The following IKZF2 variants were observed in gnomAD, a reference collection of about 807,000 sequenced individuals.
IKZF2 encodes the protein IKAROS family zinc finger 2.
A neutral mutation model predicts 49.2 loss-of-function variants in IKZF2; 15 were observed. The observed-to-expected ratio is 0.30, with a 90% CI of 0.20 to 0.47. The LOEUF (loss-of-function observed/expected upper bound fraction) is 0.47. IKZF2 is among the 20% of genes least tolerant of loss of function. IKZF2 has a pLI of 1.00. For missense variants in IKZF2, 567 were observed against 664.6 expected (o/e 0.85, Z 1.61); for synonymous variants, 227 against 221.4 (o/e 1.03, Z -0.23).
intron 4 of IKZF2, among the ~76,000 whole-genome samples, chr2:213,146,765 G>GA (rs1260544628): frequency 7.8e-6 from 1 of 128,030 alleles, no homozygotes; most frequent in African/African-American, 2.8e-5. Flanking sequence ...TCTTCGGGGG[G>GA]GGGGAAGGAA....
At chr2:213,045,338 A>G (rs936507026) in intron 6 of IKZF2, among the ~76,000 whole-genome samples, 2 of 152,228 alleles carry the variant, frequency 1.3e-5, no homozygotes, top group African/African-American at 4.8e-5. Flanking sequence ...TAACATAGCC[A>G]CTGACACTAG....
chr2:213,009,965 AGAT>A (rs1695770079), intron 8 of IKZF2, among the ~76,000 whole-genome samples: 1 of 152,154 alleles, frequency 6.6e-6, no homozygotes, highest in South Asian at 2.1e-4. Context: ...AAGACAAGTT[AGAT>A]AATATAAGGC....
chr2:213,098,663 G>T (rs1258091605), intron 4 of IKZF2, among the ~76,000 whole-genome samples: 1 of 152,108 alleles, frequency 6.6e-6, no homozygotes, highest in Non-Finnish European at 1.5e-5. Flanking sequence ...TGAACAGACA[G>T]CAGGAAAAAA....
intron 4 of IKZF2, among the ~76,000 whole-genome samples, chr2:213,089,052 T>G (rs949434716): frequency 3.3e-5 from 5 of 152,210 alleles, no homozygotes; most frequent in Admixed American, 6.5e-5. Context: ...TAAGACATTT[T>G]GATTAAGACT....
At chr2:213,045,430 A>G (rs1005690572) in intron 6 of IKZF2, among the ~76,000 whole-genome samples, 7 of 152,338 alleles carry the variant, frequency 4.6e-5, no homozygotes, top group African/African-American at 1.2e-4. Context: ...CCTTCACACT[A>G]GAGGAGCAAC....
chr2:213,022,009 C>G lies in IKZF2; in HGVS notation c.696G>C (p.Gln232His), dbSNP rs779422250. 1.2e-6 allele frequency: 2 copies of G among 1,612,668 alleles called. No homozygotes were observed. Among genetic ancestry groups the G allele is most frequent in the Admixed American group, 3.3e-5 (2 of 59,782 alleles). Reference sequence around the variant, plus strand: ...TCTACCCACCATGGTGACTCATGACCTGCCCAGCAGCCTCCATGCTGACAT... The same window carrying G: ...TCTACCCACCATGGTGACTCATGACGTGCCCAGCAGCCTCCATGCTGACAT... ...LQNVSMEAAG[Q>H]VMSHHVPPME... is the part of the protein sequence containing the mutation. The change falls in exon 7 of 9, where the codon CAG becomes CAC. Residue 232 changes from glutamine (Q) to histidine (H), a missense_variant. Gln to His is a conservative substitution (Grantham distance 24, BLOSUM62 0). Transcript: ENST00000434687.
At chr2:213,034,121 C>T (rs1698761600) in intron 6 of IKZF2, among the ~76,000 whole-genome samples, 1 of 152,220 alleles carries the variant, frequency 6.6e-6, no homozygotes, top group Non-Finnish European at 1.5e-5. Context: ...TCTGCAGTTT[C>T]CTCACATCTC....
intron 4 of IKZF2, among the ~76,000 whole-genome samples, chr2:213,113,247 G>A (rs1328843881): frequency 1.3e-5 from 2 of 152,128 alleles, no homozygotes; most frequent in African/African-American, 2.4e-5. Flanking sequence ...TATCAAAGAA[G>A]TTGATAACAC....
chr2:213,083,115 A>G (rs972544719), intron 4 of IKZF2, among the ~76,000 whole-genome samples: 4 of 152,204 alleles, frequency 2.6e-5, no homozygotes, highest in Admixed American at 2.0e-4. Flanking sequence ...ATAGCCAGAA[A>G]GTAAGACATG....
chr2:213,118,069 A>C (rs2059934267), intron 4 of IKZF2, among the ~76,000 whole-genome samples: 1 of 152,354 alleles, frequency 6.6e-6, no homozygotes, highest in East Asian at 1.9e-4. Context: ...ACGGCTTATA[A>C]ATGGACTTAA....
rs192795102 is a variant in IKZF2, at chr2:213,048,223, C to G, written c.574+1490G>C. On this transcript the variant is annotated intron_variant, in intron 6 of 8. Transcript: ENST00000434687. ...TCTGCAAAAATCATAACTTGATATACTAAATTGCAAAATGAGCACGATGGC... is the reference window on the plus strand; with the variant it reads ...TCTGCAAAAATCATAACTTGATATAGTAAATTGCAAAATGAGCACGATGGC... Among the ~76,000 whole-genome samples, 3 of 152,082 alleles carry G rather than the reference C, an allele frequency of 2.0e-5. No homozygotes were observed. The East Asian group carries it at 5.8e-4, about 29-fold the overall frequency.
intron 5 of IKZF2, among the ~76,000 whole-genome samples, chr2:213,055,953 T>C (rs1482578): frequency 0.51 from 76,885 of 151,932 alleles, 22,540 homozygotes; most frequent in East Asian, 0.76. Flanking sequence ...CTACACTACT[T>C]TGCATTATAG....
rs1695131541 is a variant in IKZF2 at position 213,004,123 on chromosome 2, C to G, written c.*3237G>C. ...TTTGCAATACATCTGATCACTCCAA[C>G]TGCTTTTTTTTCCATGAATTCTCTT... On this transcript the variant is annotated 3_prime_UTR_variant, in exon 9 of 9. Transcript: ENST00000434687. 1 of 151,898 alleles carries G rather than the reference C, an allele frequency of 6.6e-6. No individual in the cohort carries two copies. Among genetic ancestry groups the G allele is most frequent in the African/African-American group, 2.4e-5 (1 of 41,520 alleles). 9.4% of individuals were successfully genotyped at this position (151,898 alleles called of 1,614,324 possible).
At chr2:213,019,393 C>T (rs1008781070) in intron 7 of IKZF2, among the ~76,000 whole-genome samples, 17 of 152,040 alleles carry the variant, frequency 1.1e-4, no homozygotes, top group African/African-American at 3.9e-4. Flanking sequence ...AGACATATGC[C>T]AAGCTATTTA....
intron 4 of IKZF2, among the ~76,000 whole-genome samples, chr2:213,117,926 T>G (rs2059930238): frequency 6.6e-6 from 1 of 152,212 alleles, no homozygotes; most frequent in African/African-American, 2.4e-5. Context: ...CATTTTATTT[T>G]TAAAGTTGTC....
intron 6 of IKZF2, among the ~76,000 whole-genome samples, chr2:213,035,592 C>T (rs892636505): frequency 2.0e-5 from 3 of 152,126 alleles, no homozygotes; most frequent in Non-Finnish European, 2.9e-5. Context: ...GCAACTATGC[C>T]AAGATCTTGG....
chr2:213,110,823 C>A (rs190409375), intron 4 of IKZF2, among the ~76,000 whole-genome samples: 1 of 151,910 alleles, frequency 6.6e-6, no homozygotes, highest in Non-Finnish European at 1.5e-5. Flanking sequence ...CAGTTTTTTG[C>A]TAATATAATG....
chr2:213,066,156 C>G (rs1702142406), intron 4 of IKZF2, among the ~76,000 whole-genome samples: 1 of 152,078 alleles, frequency 6.6e-6, no homozygotes, highest in South Asian at 2.1e-4. Flanking sequence ...CTTAACCTAA[C>G]TTCTGTAAGA....
At chr2:213,047,877 C>T (rs1042687545) in intron 6 of IKZF2, among the ~76,000 whole-genome samples, 1 of 151,196 alleles carries the variant, frequency 6.6e-6, no homozygotes, top group Non-Finnish European at 1.5e-5. Flanking sequence ...TTTTAGTCAC[C>T]TATCAGATAA....
Sources: allele counts gnomAD v4.1 joint callset (sites outside exome capture counted in the v4.1 genomes callset), GRCh38; gene constraint gnomAD v4.1.1; transcripts MANE v1.5; gene names NCBI Gene and HGNC (gene_info 2026-07-23, HGNC 2026-07-21).